Variants in CD44 observed in about 807,000 individuals in gnomAD.
CD44 encodes the protein CD44 antigen.
Under a neutral mutation model 88.8 loss-of-function variants are expected in CD44, and 49 were observed. The observed-to-expected ratio is 0.55, with a 90% confidence interval of 0.44 to 0.70. The LOEUF (loss-of-function observed/expected upper bound fraction) is 0.70, where lower values mean the gene tolerates loss of function less well. CD44 is among the 30% of genes least tolerant of loss of function. The probability of loss-of-function intolerance (pLI) is 0.00; values close to 1 mark genes in which losing one functional copy is unlikely to be tolerated. For synonymous variants in CD44, 325 were observed against 312.3 expected (o/e 1.04, Z -0.43); for missense variants, 883 against 913.8 (o/e 0.97, Z 0.43).
chr11:35,170,817 T>G (rs978153805), intron 1 of CD44, among the ~76,000 whole-genome samples: 5 of 152,202 alleles, frequency 3.3e-5, no homozygotes, highest in African/African-American at 1.2e-4. Context: ...TCTATAGTGG[T>G]TTGCAGCATG....
In CD44 at chr11:35,196,782, CA is replaced by C. The variant is rs1331184715; in HGVS notation, c.706del (p.Thr236ProfsTer109). ...MSTSATATET[A>X]TKRQETWDWF... is the part of the protein sequence containing the mutation. ...ACTAGTGCTACAGCAACTGAGACAG[CA>C]ACCAAGAGGCAAGAAACCTGGGATT... is the stretch of plus-strand genomic sequence containing the variant. On this transcript the variant is annotated frameshift_variant, in exon 6 of 18. Transcript: ENST00000428726. LOFTEE classifies it high-confidence loss of function. 6.2e-7 allele frequency: 1 copy of C among 1,613,720 alleles called. No homozygotes were observed.
At chr11:35,214,747 G>C (rs577356400) in intron 14 of CD44, 105 bp from the exon 15 acceptor site, 4 of 564,936 alleles carry the variant, frequency 7.1e-6, no homozygotes, top group African/African-American at 5.8e-5. Context: ...ACCTTAAAAA[G>C]ACTAAACTTT....
rs911532913 is a variant in CD44 at position 35,211,279 on chromosome 11, C to G, written c.1640C>G (p.Pro547Arg). ...RNDVTGGRRD[P>R]NHSEGSTTLL... ...GATGTCACAGGTGGAAGAAGAGACC[C>G]AAATCATTCTGAAGGCTCAACTACT... Residue 547 changes from proline (P) to arginine (R), a missense_variant, in exon 14 of 18, where the codon CCA becomes CGA. Around this residue, in one of 2 missense-constraint regions of CD44, gnomAD observed 631 missense variants for 590.9 expected, o/e 1.07. Coordinates refer to ENST00000428726, the MANE Select transcript of CD44 (RefSeq NM_000610.4). The G allele has an allele frequency of 6.2e-6, 10 of 1,613,886 alleles. No homozygotes were observed. In the Middle Eastern group the frequency reaches 5.0e-4, roughly 80 times the overall value.
chr11:35,204,529 A>T lies in CD44; in HGVS notation c.1171A>T (p.Ser391Cys). Residue 391 changes from serine to cysteine, a missense_variant, in exon 10 of 18, where the codon AGT becomes TGT. By Grantham distance (112) the Ser-to-Cys change is moderately radical (BLOSUM62 -1). Coordinates refer to ENST00000428726, the MANE Select transcript of CD44 (RefSeq NM_000610.4). Reference protein sequence around the residue: ...STSTIQATPSSTTEETATQKE... With the variant: ...STSTIQATPSCTTEETATQKE... ...TCTCACAGTCCAGGCAACTCCTAGT[A>T]GTACAACGGAAGAAACAGCTACCCA... is the stretch of plus-strand genomic sequence containing the variant. The T allele has an allele frequency of 6.2e-7, 1 of 1,613,380 alleles. No homozygotes were observed. The highest frequency in any genetic ancestry group is 8.5e-7 in the Non-Finnish European group (1 of 1,179,418).
At chr11:35,206,899 C>G (rs75158369) in intron 11 of CD44, among the ~76,000 whole-genome samples, 3,405 of 152,258 alleles carry the variant, frequency 0.022, 137 homozygotes, top group African/African-American at 0.077. Context: ...GGGGGAAAAC[C>G]AAGCCAGGCA....
intron 1 of CD44, among the ~76,000 whole-genome samples, chr11:35,141,008 G>A (rs1405467993): frequency 4.0e-5 from 6 of 148,790 alleles, no homozygotes; most frequent in Non-Finnish European, 6.0e-5. Flanking sequence ...GTGACAAAGC[G>A]TGACTCTGTT....
chr11:35,217,356 GAA>G (rs59976536), intron 15 of CD44, among the ~76,000 whole-genome samples: 3 of 122,428 alleles, frequency 2.5e-5, no homozygotes, highest in Non-Finnish European at 3.5e-5. Flanking sequence ...AGTCAGAAAA[GAA>G]AAAAAAAAAA....
chr11:35,204,858 G>A, intron 10 of CD44: 1 of 466,274 alleles, frequency 2.1e-6, no homozygotes. Context: ...ATAAGAACAG[G>A]AAACACAGAG....
At chr11:35,156,835 G>A (rs1425968519) in intron 1 of CD44, among the ~76,000 whole-genome samples, 1 of 152,160 alleles carries the variant, frequency 6.6e-6, no homozygotes, top group Non-Finnish European at 1.5e-5. Context: ...GTTTGCAGAG[G>A]TTGCTGGGCA....
At chr11:35,157,090 C>A (rs527994470) in intron 1 of CD44, among the ~76,000 whole-genome samples, 1 of 152,180 alleles carries the variant, frequency 6.6e-6, no homozygotes, top group Non-Finnish European at 1.5e-5. Context: ...TAACCTCTAT[C>A]GAGACAGTGA....
intron 15 of CD44, chr11:35,218,969 A>G (rs1214676616): frequency 4.4e-6 from 1 of 226,850 alleles, no homozygotes; most frequent in African/African-American, 2.2e-5. Context: ...GGAGACTTGG[A>G]GAAGGTAGAT....
chr11:35,212,217 C>G (rs1464995752), intron 14 of CD44, among the ~76,000 whole-genome samples: 1 of 151,918 alleles, frequency 6.6e-6, no homozygotes, highest in African/African-American at 2.4e-5. Flanking sequence ...TGGAAAACGC[C>G]CACTGTAGTG....
intron 5 of CD44, 126 bp from the exon 6 acceptor site, chr11:35,196,620 T>C (rs984938848): frequency 1.9e-6 from 2 of 1,058,204 alleles, no homozygotes; most frequent in Non-Finnish European, 2.6e-6. Context: ...TTCCCTTTCT[T>C]TTCACCATCT....
intron 2 of CD44, among the ~76,000 whole-genome samples, chr11:35,180,039 A>T (rs923893356): frequency 2.6e-5 from 4 of 152,046 alleles, no homozygotes; most frequent in African/African-American, 9.7e-5. Flanking sequence ...ATTTTTTTTT[A>T]AAGCTCTTTA....
intron 1 of CD44, among the ~76,000 whole-genome samples, chr11:35,146,795 CTGTAG>C (rs1207784575): frequency 6.6e-6 from 1 of 152,160 alleles, no homozygotes; most frequent in Non-Finnish European, 1.5e-5. Context: ...CCTGGAAGTA[CTGTAG>C]TTGTTTTCAA....
intron 17 of CD44, chr11:35,223,115 A>G: frequency 1.0e-6 from 1 of 985,398 alleles, no homozygotes; most frequent in South Asian, 4.7e-5. Context: ...GCATAGTTTT[A>G]AAAAGTAGTT....
Position 35,211,291 on chromosome 11 carries a change from A to C in CD44, c.1652A>C (p.Glu551Ala). The change falls in exon 14 of 18, where the codon GAA becomes GCA. Residue 551 changes from glutamate (E) to alanine (A), a missense_variant. Physicochemically the swap from Glu to Ala is moderately radical, Grantham distance 107. This residue lies in a region of CD44 where 631 missense variants were observed against 590.9 expected (regional missense o/e 1.07). Transcript: ENST00000428726. ...GGAAGAAGAGACCCAAATCATTCTGAAGGCTCAACTACTTTACTGGAAGGT... is the reference window on the plus strand; with the variant it reads ...GGAAGAAGAGACCCAAATCATTCTGCAGGCTCAACTACTTTACTGGAAGGT... ...TGGRRDPNHS[E>A]GSTTLLEGYT... The C allele has an allele frequency of 1.2e-6, 2 of 1,613,998 alleles. No homozygotes were observed. The highest frequency in any genetic ancestry group is 1.7e-6 in the Non-Finnish European group (2 of 1,179,912).
intron 1 of CD44, among the ~76,000 whole-genome samples, chr11:35,167,433 A>T (rs916088777): frequency 1.3e-5 from 2 of 152,194 alleles, no homozygotes; most frequent in African/African-American, 4.8e-5. Context: ...AATTAACAAT[A>T]ATGCTTTAAA....
chr11:35,210,270 G>C, intron 13 of CD44: 1 of 354,706 alleles, frequency 2.8e-6, no homozygotes, highest in African/African-American at 2.1e-5. Context: ...CTTAAAAGTT[G>C]GGTTTCTTTC....
Sources: allele counts gnomAD v4.1 joint callset (sites outside exome capture counted in the v4.1 genomes callset), GRCh38; gene constraint gnomAD v4.1.1; regional missense constraint gnomAD v4.1.1; transcripts MANE v1.5; gene names NCBI Gene and HGNC (gene_info 2026-07-23, HGNC 2026-07-21).